Variants in DOCK5 observed in about 807,000 individuals in gnomAD.
DOCK5 encodes dedicator of cytokinesis 5.
In DOCK5, 142 loss-of-function variants were observed where a neutral mutation model predicts 251.8. The ratio of observed to expected loss-of-function variants is 0.56; its 90% CI spans 0.49 to 0.65. DOCK5 has a LOEUF of 0.65. DOCK5 is among the 30% of genes least tolerant of loss of function. DOCK5 has a pLI of 0.00. For missense variants in DOCK5, 2,111 were observed against 2,312.3 expected, an observed-to-expected ratio of 0.91 and a Z score of 1.79; for synonymous variants, 842 against 835.5, an observed-to-expected ratio of 1.01 and a Z score of -0.13.
intron 15 of DOCK5, among the ~76,000 whole-genome samples, chr8:25,319,901 C>T (rs2874389): frequency 0.011 from 1,702 of 152,296 alleles, 18 homozygotes; most frequent in Middle Eastern, 0.048. Context: ...TTGTGGTTGA[C>T]GTGATGGATA....
At position 25,414,909 on chromosome 8, in the gene DOCK5, C is replaced by CTT. The variant is rs56338302; in HGVS notation, c.*3623_*3624dup. The CTT allele has an allele frequency of 5.2e-5, 5 of 96,604 alleles. No individual in the cohort carries two copies. Among genetic ancestry groups the CTT allele is most frequent in the South Asian group, 4.0e-4 (1 of 2,518 alleles). 6.0% of individuals were successfully genotyped at this position (96,604 alleles called of 1,614,324 possible). A position where few individuals can be genotyped will look rare whatever the true frequency, so the allele number is the denominator to read the frequency against. On this transcript the variant is annotated 3_prime_UTR_variant, in exon 52 of 52. Coordinates refer to ENST00000276440, the MANE Select transcript of DOCK5 (RefSeq NM_024940.8). ...ATTTGTAGTCAGTCCCTGGGCCTGT[C>CTT]TTTTTTTTTTTTTAATTTTGAAGCT...
At chr8:25,344,506 G>A (rs941936171) in intron 25 of DOCK5, among the ~76,000 whole-genome samples, 1 of 152,204 alleles carries the variant, frequency 6.6e-6, no homozygotes, top group Admixed American at 6.5e-5. Context: ...CCCCTGGCTA[G>A]TTATGTAACT....
At chr8:25,224,211 C>G (rs1216947993) in intron 1 of DOCK5, among the ~76,000 whole-genome samples, 3 of 152,106 alleles carry the variant, frequency 2.0e-5, no homozygotes, top group Non-Finnish European at 2.9e-5. Context: ...CTCCGCCTCC[C>G]GAGTTCAAGT....
chr8:25,226,856 A>T (rs1347372289), intron 1 of DOCK5, among the ~76,000 whole-genome samples: 1 of 152,194 alleles, frequency 6.6e-6, no homozygotes. Flanking sequence ...AAGTGCTGGG[A>T]TTACAGGCGT....
At chr8:25,278,692 C>T (rs1375921455) in intron 5 of DOCK5, 27 bp downstream of exon 5, 1 of 1,606,834 alleles carries the variant, frequency 6.2e-7, no homozygotes, top group Non-Finnish European at 8.5e-7. Flanking sequence ...GGCTTGGAGC[C>T]CCAGGGTCAC....
chr8:25,332,178 A>T (rs1805697581), intron 18 of DOCK5, 73 bp from the exon 19 acceptor site: 1 of 1,151,574 alleles, frequency 8.7e-7, no homozygotes, highest in African/African-American at 1.5e-5. Context: ...GTTCTAGAGA[A>T]TTCTTTAGCT....
intron 5 of DOCK5, among the ~76,000 whole-genome samples, chr8:25,285,019 A>G (rs1305201252): frequency 6.6e-6 from 1 of 152,226 alleles, no homozygotes; most frequent in East Asian, 1.9e-4. Context: ...ATTGTGGTCA[A>G]TCGGGCTGTT....
intron 27 of DOCK5, among the ~76,000 whole-genome samples, chr8:25,357,007 ATAAACT>A (rs1221780615): frequency 1.3e-4 from 19 of 151,018 alleles, no homozygotes; most frequent in Non-Finnish European, 2.9e-5. Context: ...CAGGTGGCTA[ATAAACT>A]TAATATACAA....
intron 1 of DOCK5, among the ~76,000 whole-genome samples, chr8:25,238,357 A>G (rs926274750): frequency 2.0e-5 from 3 of 152,224 alleles, no homozygotes; most frequent in African/African-American, 7.2e-5. Flanking sequence ...ACTGTATACA[A>G]TTACTAAGAT....
Position 25,331,268 on chromosome 8 carries a change from CACAT to C in DOCK5, c.1904-981_1904-978del, listed in dbSNP as rs200930119. ...ACACACACACACACACACACACACA[CACAT>C]ATATGTGTATTTCTTAATAGAGACA... is the stretch of plus-strand genomic sequence containing the variant. On this transcript the variant is annotated intron_variant, in intron 18 of 51. Coordinates refer to ENST00000276440, the MANE Select transcript of DOCK5 (RefSeq NM_024940.8). 9.4e-4 allele frequency among the ~76,000 whole-genome samples: 141 copies of C among 149,534 alleles called. 1 individual carries two copies. Among genetic ancestry groups the C allele is most frequent in the Non-Finnish European group, 1.5e-3 (101 of 67,130 alleles).
chr8:25,249,258 C>A (rs772933523), intron 2 of DOCK5, among the ~76,000 whole-genome samples: 7 of 152,178 alleles, frequency 4.6e-5, no homozygotes, highest in Non-Finnish European at 8.8e-5. Context: ...ACCTCGGCCT[C>A]CCAGAGTATA....
intron 1 of DOCK5, among the ~76,000 whole-genome samples, chr8:25,224,653 C>T (rs1802483015): frequency 6.6e-6 from 1 of 152,150 alleles, no homozygotes; most frequent in African/African-American, 2.4e-5. Context: ...ATTGTAGAGG[C>T]TGGCCTGAGG....
intron 1 of DOCK5, among the ~76,000 whole-genome samples, chr8:25,230,123 C>A (rs1288335141): frequency 6.6e-6 from 1 of 152,162 alleles, no homozygotes; most frequent in Non-Finnish European, 1.5e-5. Context: ...ATACTGCAGA[C>A]CTCTTAATCT....
intron 48 of DOCK5, among the ~76,000 whole-genome samples, chr8:25,405,217 T>C (rs2117342125): frequency 6.6e-6 from 1 of 152,194 alleles, no homozygotes; most frequent in East Asian, 1.9e-4. Context: ...GACTTCTGGG[T>C]TTTATTTCAC....
chr8:25,303,951 G>A (rs1444150103), intron 10 of DOCK5, among the ~76,000 whole-genome samples: 2 of 152,174 alleles, frequency 1.3e-5, no homozygotes, highest in Non-Finnish European at 2.9e-5. Context: ...GGGCAAAGGA[G>A]CAAGACTGTC....
intron 3 of DOCK5, among the ~76,000 whole-genome samples, chr8:25,270,433 A>G (rs1803876250): frequency 6.6e-6 from 1 of 152,178 alleles, no homozygotes; most frequent in South Asian, 2.1e-4. Context: ...ACTCATAGTT[A>G]TGGAAGTGGT....
intron 37 of DOCK5, chr8:25,376,295 T>G: frequency 1.0e-6 from 1 of 984,358 alleles, no homozygotes; most frequent in Non-Finnish European, 1.2e-6. Context: ...CAGCTTTTTT[T>G]CCCCCCAGAT....
Position 25,410,026 on chromosome 8 carries a change from G to A in DOCK5, c.5405-73G>A, listed in dbSNP as rs148310978. 1,794 of 1,299,334 alleles carry A rather than the reference G, an allele frequency of 1.4e-3. 3 individuals are homozygous for A. The highest frequency in any genetic ancestry group is 1.7e-3 in the Non-Finnish European group (1,558 of 921,212). 80.5% of individuals were successfully genotyped at this position (1,299,334 alleles called of 1,614,324 possible). A position where few individuals can be genotyped will look rare whatever the true frequency, so the allele number is the denominator to read the frequency against. ...TGACCAGGTTGGCTTAGGTGTTACA[G>A]TGCCAGCAACATTTCCATGAGCTTC... is the stretch of plus-strand genomic sequence containing the variant. On this transcript the variant is annotated intron_variant, in intron 50 of 51. Transcript: ENST00000276440.
intron 7 of DOCK5, among the ~76,000 whole-genome samples, chr8:25,297,211 C>T (rs1804638823): frequency 6.6e-6 from 1 of 151,956 alleles, no homozygotes; most frequent in Non-Finnish European, 1.5e-5. Context: ...TCTCCTGCCT[C>T]AGCCTCCCGA....
Sources: gnomAD v4.1 joint callset for allele counts (sites outside exome capture counted in the v4.1 genomes callset) on GRCh38, gnomAD v4.1.1 for gene constraint, MANE v1.5 for transcripts, NCBI Gene and HGNC (gene_info 2026-07-23, HGNC 2026-07-21) for gene names.